The following KCNK13 variants were observed in gnomAD, a reference collection of about 807,000 sequenced individuals.
The protein encoded by KCNK13 is potassium channel subfamily K member 13.
Under a neutral mutation model 23.4 loss-of-function variants are expected in KCNK13, and 12 were observed. The observed-to-expected ratio is 0.51, with a 90% CI of 0.33 to 0.83. The LOEUF is 0.83. Ranked by LOEUF, KCNK13 falls within the 40% of genes least tolerant of loss-of-function variation. The probability of loss-of-function intolerance (pLI) is 0.02; values close to 1 mark genes in which losing one functional copy is unlikely to be tolerated. For missense variants in KCNK13, 463 were observed against 556.3 expected, an observed-to-expected ratio of 0.83 and a Z score of 1.69; for synonymous variants, 231 against 229.5, an observed-to-expected ratio of 1.01 and a Z score of -0.06.
At chr14:90,091,609 T>C (rs1000884407) in intron 1 of KCNK13, among the ~76,000 whole-genome samples, 2 of 152,028 alleles carry the variant, frequency 1.3e-5, no homozygotes, top group Non-Finnish European at 2.9e-5. Context: ...AAACCTGGAA[T>C]GCAGAACACT....
chr14:90,084,120 G>GT lies in KCNK13; in HGVS notation c.334+21589dup, dbSNP rs547947477. On this transcript the variant is annotated intron_variant, in intron 1 of 1. Coordinates refer to ENST00000282146, the MANE Select transcript of KCNK13 (RefSeq NM_022054.4). ...AAGTGTGAGTCCTCCAATGTTGTTG[G>GT]TTTTTTTTCCCCCAAGATTGTTTTG... 7.2e-4 allele frequency among the ~76,000 whole-genome samples: 109 copies of GT among 152,012 alleles called. 2 individuals carry two copies. In the South Asian group the frequency reaches 0.022, roughly 30 times the overall value.
chr14:90,120,111 CTG>C (rs559251068), intron 1 of KCNK13, among the ~76,000 whole-genome samples: 2 of 152,294 alleles, frequency 1.3e-5, no homozygotes, highest in South Asian at 2.1e-4. Flanking sequence ...GTTCCCCTGT[CTG>C]TGTCCATGTG....
intron 1 of KCNK13, among the ~76,000 whole-genome samples, chr14:90,101,659 G>T (rs56162104): frequency 6.0e-5 from 9 of 150,528 alleles, no homozygotes; most frequent in Non-Finnish European, 1.2e-4. Context: ...GTGTGGTGGC[G>T]TGCTCCTGTA....
intron 1 of KCNK13, among the ~76,000 whole-genome samples, chr14:90,087,552 G>A (rs1204504557): frequency 6.6e-6 from 1 of 152,052 alleles, no homozygotes; most frequent in African/African-American, 2.4e-5. Flanking sequence ...CTCCATCCCC[G>A]CTTCTCATGA....
At chr14:90,074,015 C>T (rs1171746518) in intron 1 of KCNK13, among the ~76,000 whole-genome samples, 1 of 152,054 alleles carries the variant, frequency 6.6e-6, no homozygotes, top group Non-Finnish European at 1.5e-5. Context: ...GGAGCCCAGG[C>T]TGGAGTGCAG....
chr14:90,178,231 CAAAAAAA>C lies in KCNK13; in HGVS notation c.335-5861_335-5855del, dbSNP rs34726346. Among the ~76,000 whole-genome samples the C allele has an allele frequency of 2.3e-3, 170 of 75,092 alleles. 1 individual carries two copies. Among genetic ancestry groups the C allele is most frequent in the African/African-American group, 7.1e-3 (159 of 22,268 alleles). The allele number at this position is 75,092 out of a possible 152,430, so 49.3% of individuals were successfully genotyped here. A position where few individuals can be genotyped will look rare whatever the true frequency, so the allele number is the denominator to read the frequency against. On this transcript the variant is annotated intron_variant, in intron 1 of 1. Transcript: ENST00000282146. ...AATTTGGGAGACATATTCCTAAAAG[CAAAAAAA>C]AAAAAAAAAAAAAAAAAAGGATACC...
rs374702963 is a variant in KCNK13, at chr14:90,077,347, C to G, written c.334+14808C>G. Among the ~76,000 whole-genome samples, 18 of 151,334 alleles carry G rather than the reference C, an allele frequency of 1.2e-4. No homozygotes were observed. In the South Asian group the frequency reaches 3.8e-3, roughly 32 times the overall value. On this transcript the variant is annotated intron_variant, in intron 1 of 1. Coordinates refer to ENST00000282146, the MANE Select transcript of KCNK13 (RefSeq NM_022054.4). ...TGTTGGCCAGGCTGGTCTCGAACTC[C>G]TGGCCTCAGGTGATCCGCCCGCCTC...
intron 1 of KCNK13, among the ~76,000 whole-genome samples, chr14:90,137,642 A>T (rs1889954623): frequency 6.6e-6 from 1 of 152,168 alleles, no homozygotes; most frequent in African/African-American, 2.4e-5. Context: ...TTAAAATGAC[A>T]CGTTGAGAAC....
chr14:90,075,209 CAT>C (rs1889120930), intron 1 of KCNK13, among the ~76,000 whole-genome samples: 1 of 152,040 alleles, frequency 6.6e-6, no homozygotes, highest in Non-Finnish European at 1.5e-5. Context: ...AGAATGAAAT[CAT>C]ATCTAAACTA....
At chr14:90,167,603 G>T (rs956328950) in intron 1 of KCNK13, among the ~76,000 whole-genome samples, 4 of 152,142 alleles carry the variant, frequency 2.6e-5, no homozygotes, top group African/African-American at 7.2e-5. Context: ...GATACCAATG[G>T]TTAAGGTGCC....
chr14:90,087,154 A>ATATATATTTTT (rs1282261147), intron 1 of KCNK13, among the ~76,000 whole-genome samples: 1 of 107,650 alleles, frequency 9.3e-6, no homozygotes, highest in African/African-American at 3.8e-5. Context: ...ATATATATAT[A>ATATATATTTTT]TTTTTTTTTT....
Position 90,062,040 on chromosome 14 carries a change from G to C in KCNK13, c.-166G>C, listed in dbSNP as rs1029762726. On this transcript the variant is annotated 5_prime_UTR_variant, in exon 1 of 2. Coordinates refer to ENST00000282146, the MANE Select transcript of KCNK13 (RefSeq NM_022054.4). This position sits in a 1 kb window ranked among gnomAD's most constrained non-coding sequence, Gnocchi z 4.5. ...CACAGGAGCTACCGAGGCGGCGGCC[G>C]GGGGAGCCTCGCGGCCTGCGGGAGA... The C allele has an allele frequency of 9.5e-6, 4 of 419,172 alleles. No homozygotes were observed. In the Admixed American group the frequency reaches 1.4e-4, roughly 14 times the overall value. The allele number at this position is 419,172 out of a possible 1,614,324, so 26.0% of individuals were successfully genotyped here.
At chr14:90,063,786 A>G (rs1888975028) in intron 1 of KCNK13, among the ~76,000 whole-genome samples, 2 of 152,226 alleles carry the variant, frequency 1.3e-5, no homozygotes, top group African/African-American at 2.4e-5. Flanking sequence ...GCTTCAGGTC[A>G]GATTCATCAT....
At chr14:90,172,642 A>ATTG (rs72530934) in intron 1 of KCNK13, among the ~76,000 whole-genome samples, 1 of 151,704 alleles carries the variant, frequency 6.6e-6, no homozygotes, top group East Asian at 1.9e-4. Flanking sequence ...TTCTGGTGTT[A>ATTG]TATGAGTGGT....
At chr14:90,130,491 C>T (rs2140422373) in intron 1 of KCNK13, among the ~76,000 whole-genome samples, 1 of 151,984 alleles carries the variant, frequency 6.6e-6, no homozygotes, top group South Asian at 2.1e-4. Context: ...TGAACCACCA[C>T]ACCCAGCTAG....
chr14:90,143,707 G>C (rs933108855), intron 1 of KCNK13, among the ~76,000 whole-genome samples: 2 of 152,142 alleles, frequency 1.3e-5, no homozygotes, highest in Admixed American at 1.3e-4. Context: ...AATTCAATGA[G>C]ACTCTGGGGC....
intron 1 of KCNK13, among the ~76,000 whole-genome samples, chr14:90,172,839 G>T (rs539129921): frequency 6.6e-6 from 1 of 151,962 alleles, no homozygotes; most frequent in African/African-American, 2.4e-5. Flanking sequence ...AATTGGCTAG[G>T]GTAAAAAAAA....
At chr14:90,147,639 G>T (rs1343605356) in intron 1 of KCNK13, among the ~76,000 whole-genome samples, 1 of 152,074 alleles carries the variant, frequency 6.6e-6, no homozygotes, top group Non-Finnish European at 1.5e-5. Flanking sequence ...TTCTTCTGTT[G>T]TGTTGGGGCT....
intron 1 of KCNK13, among the ~76,000 whole-genome samples, chr14:90,181,250 T>A (rs1449856547): frequency 6.6e-6 from 1 of 152,174 alleles, no homozygotes; most frequent in Non-Finnish European, 1.5e-5. Flanking sequence ...TTAGTCCACA[T>A]GGGCTGCTAT....
Sources: gnomAD v4.1 joint callset for allele counts (sites outside exome capture counted in the v4.1 genomes callset) on GRCh38, gnomAD v4.1.1 for gene constraint, Gnocchi (gnomAD v3.1) non-coding constraint, MANE v1.5 for transcripts, NCBI Gene and HGNC (gene_info 2026-07-23, HGNC 2026-07-21) for gene names.